The following TRPM3 variants were observed in gnomAD, a reference collection of about 807,000 sequenced individuals.
TRPM3 encodes the protein transient receptor potential cation channel subfamily M member 3, also known as long transient receptor potential channel 3.
In TRPM3, 77 loss-of-function variants were observed where a neutral mutation model predicts 181.2. The observed-to-expected ratio is 0.42, with a 90% CI of 0.35 to 0.51. TRPM3 has a LOEUF of 0.51. Among genes scored for constraint, TRPM3 ranks in the 20% least tolerant of loss-of-function variants. The probability of loss-of-function intolerance (pLI) is 0.01; values close to 1 mark genes in which losing one functional copy is unlikely to be tolerated. For synonymous variants in TRPM3, 745 were observed against 796.4 expected (o/e 0.94, Z 1.09); for missense variants, 1,759 against 2,196.7 (o/e 0.80, Z 3.98).
At chr9:71,131,790 A>T (rs2074391513) in intron 1 of TRPM3, among the ~76,000 whole-genome samples, 1 of 152,240 alleles carries the variant, frequency 6.6e-6, no homozygotes, top group Admixed American at 6.5e-5. Flanking sequence ...AACAACATCT[A>T]CATACAGAAG....
At chr9:70,749,372 C>T (rs2075739695) in intron 8 of TRPM3, among the ~76,000 whole-genome samples, 1 of 152,026 alleles carries the variant, frequency 6.6e-6, no homozygotes, top group African/African-American at 2.4e-5. Context: ...ACAAAAACCC[C>T]CAAGATATAG....
At chr9:70,928,678 A>G (rs1316372504) in intron 1 of TRPM3, among the ~76,000 whole-genome samples, 1 of 152,190 alleles carries the variant, frequency 6.6e-6, no homozygotes, top group African/African-American at 2.4e-5. Flanking sequence ...AACCTGAGCC[A>G]CTGATGGCAT....
At chr9:70,974,512 C>T (rs1432022152) in intron 1 of TRPM3, among the ~76,000 whole-genome samples, 1 of 151,642 alleles carries the variant, frequency 6.6e-6, no homozygotes, top group Non-Finnish European at 1.5e-5. Flanking sequence ...GCACTCCAGC[C>T]TGGGCGACAG....
At chr9:71,269,610 A>C (rs1292485295) in intron 1 of TRPM3, among the ~76,000 whole-genome samples, 1 of 152,238 alleles carries the variant, frequency 6.6e-6, no homozygotes, top group Non-Finnish European at 1.5e-5. Flanking sequence ...TTTGTAAATG[A>C]GTTAAAACCT....
At chr9:70,822,033 C>T (rs1176513278) in intron 6 of TRPM3, among the ~76,000 whole-genome samples, 1 of 152,230 alleles carries the variant, frequency 6.6e-6, no homozygotes, top group Admixed American at 6.5e-5. Context: ...TAATCTTCAA[C>T]ACCTTCTCCT....
At chr9:71,206,927 C>T (rs2079159231) in intron 1 of TRPM3, among the ~76,000 whole-genome samples, 1 of 151,970 alleles carries the variant, frequency 6.6e-6, no homozygotes, top group Non-Finnish European at 1.5e-5. Flanking sequence ...CTCTAACTTA[C>T]ATCAAGGACT....
chr9:70,778,849 C>T lies in TRPM3; in HGVS notation c.1148+5256G>A, dbSNP rs368713939. The stretch of plus-strand genomic sequence containing the variant: ...CAGGAGAAAACAATAGTGACCACTG[C>T]ACAGAATGACAGGCCCTAGGGATTA... On this transcript the variant is annotated intron_variant, in intron 7 of 25. Coordinates refer to ENST00000677713, the MANE Select transcript of TRPM3 (RefSeq NM_001366145.2). Among the ~76,000 whole-genome samples the T allele has an allele frequency of 1.3e-3, 205 of 152,236 alleles. 3 individuals carry two copies. The South Asian group carries it at 0.019, about 14-fold the overall frequency.
chr9:71,115,816 G>A (rs1445790266), intron 1 of TRPM3, among the ~76,000 whole-genome samples: 1 of 152,144 alleles, frequency 6.6e-6, no homozygotes, highest in African/African-American at 2.4e-5. Context: ...AGAGAGACAG[G>A]AGGGTTTCTT....
intron 14 of TRPM3, among the ~76,000 whole-genome samples, chr9:70,622,497 G>A (rs754688864): frequency 6.6e-6 from 1 of 152,240 alleles, no homozygotes; most frequent in Non-Finnish European, 1.5e-5. Flanking sequence ...GCAAGGGCGA[G>A]TGGGGCCAGA....
At chr9:71,261,637 G>T (rs1008408731) in intron 1 of TRPM3, among the ~76,000 whole-genome samples, 3 of 152,146 alleles carry the variant, frequency 2.0e-5, no homozygotes, top group Admixed American at 6.5e-5. Context: ...AATCTTCATG[G>T]ATTTATCTAT....
chr9:71,064,620 G>C (rs1477621156), intron 1 of TRPM3, among the ~76,000 whole-genome samples: 1 of 152,000 alleles, frequency 6.6e-6, no homozygotes, highest in African/African-American at 2.4e-5. Flanking sequence ...CTAAAGACAT[G>C]AATGCATGAA....
In TRPM3 at chr9:70,615,661, C is replaced by T. The variant is rs573451632; in HGVS notation, c.2526+247G>A. Among the ~76,000 whole-genome samples the T allele has an allele frequency of 3.9e-5, 6 of 152,320 alleles. No homozygotes were observed. In the South Asian group the frequency reaches 1.2e-3, roughly 32 times the overall value. Reference sequence around the variant, plus strand: ...TGTAGAGTGTCTTGCTTTAGAATTTCATTGGTTTGTCCTGCACCACTAGCT... The same window carrying T: ...TGTAGAGTGTCTTGCTTTAGAATTTTATTGGTTTGTCCTGCACCACTAGCT... On this transcript the variant is annotated intron_variant, in intron 18 of 25. Transcript: ENST00000677713.
chr9:70,651,794 C>A (rs1310910730), intron 9 of TRPM3, among the ~76,000 whole-genome samples: 1 of 151,960 alleles, frequency 6.6e-6, no homozygotes, highest in Non-Finnish European at 1.5e-5. Context: ...TTTCTTGAAG[C>A]TTTCTAGGAG....
intron 22 of TRPM3, among the ~76,000 whole-genome samples, chr9:70,584,764 C>G (rs1404278434): frequency 6.6e-6 from 1 of 152,138 alleles, no homozygotes; most frequent in Non-Finnish European, 1.5e-5. Context: ...TTTCTTTTCC[C>G]TTCATCTTAC....
intron 1 of TRPM3, among the ~76,000 whole-genome samples, chr9:70,924,498 G>A (rs139731407): frequency 2.0e-4 from 31 of 152,202 alleles, no homozygotes; most frequent in African/African-American, 6.7e-4. Flanking sequence ...ATGTTGGTAT[G>A]AACATTCTTG....
chr9:70,541,959 C>T (rs115078303), intron 25 of TRPM3, among the ~76,000 whole-genome samples: 3,108 of 152,114 alleles, frequency 0.02, 101 homozygotes, highest in African/African-American at 0.069. Context: ...ATGGTTTCTA[C>T]GAAAATAAAA....
intron 1 of TRPM3, among the ~76,000 whole-genome samples, chr9:71,083,909 C>A (rs769171107): frequency 3.3e-5 from 5 of 151,722 alleles, no homozygotes; most frequent in Non-Finnish European, 5.9e-5. Context: ...CCAACTTTTT[C>A]TTCCAAGTAG....
intron 1 of TRPM3, among the ~76,000 whole-genome samples, chr9:71,246,985 T>C (rs1035780840): frequency 6.6e-6 from 1 of 152,180 alleles, no homozygotes; most frequent in African/African-American, 2.4e-5. Context: ...AAGTGCTAGA[T>C]TCAGGGAACA....
At chr9:71,080,511 T>G (rs1565150102) in intron 1 of TRPM3, among the ~76,000 whole-genome samples, 1 of 152,134 alleles carries the variant, frequency 6.6e-6, no homozygotes, top group Non-Finnish European at 1.5e-5. Flanking sequence ...TAAGTTTATT[T>G]TGTGATGTGG....
Sources: allele counts gnomAD v4.1 joint callset (sites outside exome capture counted in the v4.1 genomes callset), GRCh38; gene constraint gnomAD v4.1.1; transcripts MANE v1.5; gene names NCBI Gene and HGNC (gene_info 2026-07-23, HGNC 2026-07-21).